Variants in AVEN observed in about 807,000 individuals in gnomAD.
AVEN encodes the protein cell death regulator Aven.
AVEN carries 41 observed loss-of-function variants against 38.1 expected under a neutral mutation model. The ratio of observed to expected loss-of-function variants is 1.08; its 90% CI spans 0.84 to 1.40. The LOEUF is 1.40. Ranked by LOEUF, AVEN falls within the 40% of genes most tolerant of loss-of-function variation. AVEN has a pLI of 0.00. For missense variants in AVEN, 605 were observed against 438.8 expected (o/e 1.38, Z -3.38); for synonymous variants, 206 against 171.8 (o/e 1.20, Z -1.56).
downstream of AVEN, among the ~76,000 whole-genome samples, chr15:33,863,410 G>T (rs1345061009): frequency 6.6e-6 from 1 of 152,050 alleles, no homozygotes; most frequent in African/African-American, 2.4e-5. Context: ...CAAGATCTGG[G>T]GCTTAGACTC....
intron 2 of AVEN, among the ~76,000 whole-genome samples, chr15:33,980,405 G>A (rs1413332371): frequency 2.6e-5 from 4 of 152,146 alleles, no homozygotes; most frequent in South Asian, 2.1e-4. Context: ...CATTACTTAC[G>A]CAAGGCTGTT....
chr15:33,946,367 C>T (rs1458869178), intron 2 of AVEN, among the ~76,000 whole-genome samples: 2 of 152,144 alleles, frequency 1.3e-5, no homozygotes, highest in African/African-American at 4.8e-5. Context: ...CCCTCATCTC[C>T]TGTCCAACAC....
intron 2 of AVEN, chr15:34,067,572 T>G (rs1900542293): frequency 6.6e-6 from 1 of 152,206 alleles, no homozygotes; most frequent in Non-Finnish European, 1.5e-5. Flanking sequence ...TCAAGAAAGT[T>G]GGGATTGATA....
chr15:33,856,963 G>GT (rs556547228), downstream of AVEN, among the ~76,000 whole-genome samples: 1 of 152,086 alleles, frequency 6.6e-6, no homozygotes, highest in Admixed American at 6.5e-5. Flanking sequence ...CCGGCCTGGG[G>GT]TTTTTTAAGC....
chr15:33,992,571 G>GATGTTT (rs1385408838), intron 2 of AVEN, among the ~76,000 whole-genome samples: 4 of 152,026 alleles, frequency 2.6e-5, no homozygotes, highest in Non-Finnish European at 5.9e-5. Flanking sequence ...TGTTATTTCA[G>GATGTTT]ATGTTTTAAA....
intron 1 of AVEN, among the ~76,000 whole-genome samples, chr15:34,009,186 A>G (rs1897525276): frequency 6.6e-6 from 1 of 152,164 alleles, no homozygotes; most frequent in African/African-American, 2.4e-5. Flanking sequence ...AGTGAGGGTG[A>G]AAAAAAGACA....
chr15:33,923,688 A>G (rs1179101930), intron 2 of AVEN, among the ~76,000 whole-genome samples: 1 of 152,068 alleles, frequency 6.6e-6, no homozygotes, highest in African/African-American at 2.4e-5. Context: ...ACCATGATGT[A>G]CAGCATGGGT....
chr15:34,006,806 A>G (rs1427212803), intron 1 of AVEN, among the ~76,000 whole-genome samples: 2 of 152,240 alleles, frequency 1.3e-5, no homozygotes, highest in Non-Finnish European at 2.9e-5. Context: ...ATAATAAAAA[A>G]GTTTAGAAGA....
intron 2 of AVEN, among the ~76,000 whole-genome samples, chr15:33,905,184 TTAAAC>T (rs1351115332): frequency 7.0e-6 from 1 of 143,270 alleles, no homozygotes. Context: ...AATTAGGTGT[TTAAAC>T]TAATTAGGTG....
chr15:33,997,474 A>G (rs1896981295), intron 2 of AVEN, among the ~76,000 whole-genome samples: 1 of 152,218 alleles, frequency 6.6e-6, no homozygotes, highest in African/African-American at 2.4e-5. Context: ...ACACCAACTC[A>G]CAGCCAGGCA....
intron 1 of AVEN, among the ~76,000 whole-genome samples, chr15:34,032,402 A>G (rs4779656): frequency 0.15 from 22,518 of 152,170 alleles, 2,064 homozygotes; most frequent in Middle Eastern, 0.28. Context: ...AACACATGCC[A>G]GTGGTATCGA....
In AVEN at chr15:34,066,814, C is replaced by CAAA. The variant is rs34150283; in HGVS notation, n.785-6_785-4dup. ...TAAGTGACAGAGCAAGACCCTGCCT[C>CAAA]AAAAAAAAAAAGAGAGAGAGAGAGG... is the stretch of plus-strand genomic sequence containing the variant. On this transcript the variant is annotated splice_region_variant and splice_polypyrimidine_tract_variant and intron_variant and non_coding_transcript_variant, in intron 2 of 11. Transcript: ENST00000675287. The CAAA allele has an allele frequency of 8.0e-3, 1,178 of 147,568 alleles. 14 individuals carry two copies. Among genetic ancestry groups the CAAA allele is most frequent in the African/African-American group, 0.026 (1,029 of 40,210 alleles). 9.1% of individuals were successfully genotyped at this position (147,568 alleles called of 1,614,324 possible). A position where few individuals can be genotyped will look rare whatever the true frequency, so the allele number is the denominator to read the frequency against.
At chr15:33,991,428 G>A (rs1380761634) in intron 2 of AVEN, 2 of 151,870 alleles carry the variant, frequency 1.3e-5, no homozygotes, top group Non-Finnish European at 2.9e-5. Context: ...TGATTATTAT[G>A]CATGGCATAC....
chr15:33,964,454 T>C (rs2140478963), intron 2 of AVEN, among the ~76,000 whole-genome samples: 1 of 152,258 alleles, frequency 6.6e-6, no homozygotes, highest in African/African-American at 2.4e-5. Context: ...ATTTAAAGTG[T>C]CTAAATTAGA....
chr15:33,893,948 A>T (rs1232015354), intron 2 of AVEN, among the ~76,000 whole-genome samples: 1 of 94,952 alleles, frequency 1.1e-5, no homozygotes, highest in East Asian at 3.3e-4. Flanking sequence ...CCTTGATGCC[A>T]AGATTTTTTT....
In AVEN at chr15:33,871,237, G is replaced by A. The variant is rs1490479198; in HGVS notation, c.517-207C>T. Among the ~76,000 whole-genome samples, 10 of 152,226 alleles carry A rather than the reference G, an allele frequency of 6.6e-5. No homozygotes were observed. The East Asian group carries it at 1.2e-3, about 18-fold the overall frequency. On this transcript the variant is annotated intron_variant, in intron 3 of 5. Transcript: ENST00000306730. ...ACCTTCTTGAGCCACAGCTCACACT[G>A]TCAGAGCAACAACAGGGCAATGATC... is the stretch of plus-strand genomic sequence containing the variant.
At chr15:33,929,789 AAC>A (rs1893770764) in intron 2 of AVEN, among the ~76,000 whole-genome samples, 1 of 152,212 alleles carries the variant, frequency 6.6e-6, no homozygotes, top group African/African-American at 2.4e-5. Context: ...ATAAATGGGA[AAC>A]ACAGTGTCCC....
intron 2 of AVEN, among the ~76,000 whole-genome samples, chr15:33,992,312 C>A (rs1363493642): frequency 6.6e-5 from 10 of 152,130 alleles, no homozygotes; most frequent in Non-Finnish European, 1.5e-5. Context: ...ATGGCGTCAG[C>A]CCGGGGGGCG....
chr15:33,899,509 A>G (rs1174018910), intron 2 of AVEN, among the ~76,000 whole-genome samples: 1 of 93,318 alleles, frequency 1.1e-5, no homozygotes, highest in East Asian at 3.3e-4. Flanking sequence ...TTGCTCTGTC[A>G]TCCAGGCTGG....
Sources: gnomAD v4.1 joint callset for allele counts (sites outside exome capture counted in the v4.1 genomes callset) on GRCh38, gnomAD v4.1.1 for gene constraint, MANE v1.5 for transcripts, NCBI Gene and HGNC (gene_info 2026-07-23, HGNC 2026-07-21) for gene names.